The following SRPK2 variants were observed in gnomAD, a reference collection of about 807,000 sequenced individuals.
SRPK2 encodes SFRS protein kinase 2.
SRPK2 carries 21 observed loss-of-function variants against 90.8 expected under a neutral mutation model. The ratio of observed to expected loss-of-function variants is 0.23; its 90% CI spans 0.16 to 0.33. The LOEUF (loss-of-function observed/expected upper bound fraction) is 0.33. Among genes scored for constraint, SRPK2 ranks in the 10% least tolerant of loss-of-function variants. The pLI is 1.00. For synonymous variants in SRPK2, 288 were observed against 311.1 expected (o/e 0.93, Z 0.78); for missense variants, 620 against 869.0 (o/e 0.71, Z 3.60).
At chr7:105,193,779 C>T (rs1314691614) in intron 3 of SRPK2, among the ~76,000 whole-genome samples, 2 of 152,028 alleles carry the variant, frequency 1.3e-5, no homozygotes, top group African/African-American at 4.8e-5. Flanking sequence ...ACAAAGAAAA[C>T]CAATACAAAG....
At chr7:105,145,332 T>A (rs7780887) in intron 8 of SRPK2, 24 bp from the exon 9 acceptor site, 9 of 1,566,116 alleles carry the variant, frequency 5.7e-6, no homozygotes, top group Admixed American at 3.7e-5. Flanking sequence ...AAACAAAATC[T>A]GTATTTAGCA....
At chr7:105,387,348 T>C (rs1821725348) in intron 2 of SRPK2, among the ~76,000 whole-genome samples, 3 of 152,198 alleles carry the variant, frequency 2.0e-5, no homozygotes. Flanking sequence ...AATTTAAGGT[T>C]GTAATTCACT....
chr7:105,124,472 C>T (rs912548235), intron 15 of SRPK2, among the ~76,000 whole-genome samples: 3 of 151,862 alleles, frequency 2.0e-5, no homozygotes, highest in Admixed American at 6.6e-5. Context: ...GAAAACCTCT[C>T]TCTACTAAAA....
chr7:105,270,429 G>C (rs1406398628), intron 2 of SRPK2, among the ~76,000 whole-genome samples: 1 of 143,090 alleles, frequency 7.0e-6, no homozygotes, highest in Non-Finnish European at 1.5e-5. Context: ...TTTTTTTTGA[G>C]ATGGAATTTC....
chr7:105,296,951 A>G (rs1809902038), intron 2 of SRPK2, among the ~76,000 whole-genome samples: 1 of 152,222 alleles, frequency 6.6e-6, no homozygotes, highest in African/African-American at 2.4e-5. Context: ...CTCCAGCTCC[A>G]GAGGCAACTA....
intron 2 of SRPK2, among the ~76,000 whole-genome samples, chr7:105,305,503 T>C (rs1490176668): frequency 6.6e-6 from 1 of 152,212 alleles, no homozygotes; most frequent in African/African-American, 2.4e-5. Context: ...AAGGAAATTG[T>C]AGAGAAATAA....
chr7:105,365,119 C>A (rs12530690), intron 2 of SRPK2, among the ~76,000 whole-genome samples: 66,030 of 151,916 alleles, frequency 0.43, 15,905 homozygotes, highest in Non-Finnish European at 0.54. Context: ...CTTTTCCTTA[C>A]AAATTGGATT....
chr7:105,126,380 G>T, intron 14 of SRPK2, 40 bp from the exon 15 acceptor site: 1 of 1,422,474 alleles, frequency 7.0e-7, no homozygotes, highest in Non-Finnish European at 9.9e-7. Context: ...AATGGGAGGG[G>T]CAAAGGGAAG....
chr7:105,293,462 T>C (rs1268818339), intron 2 of SRPK2, among the ~76,000 whole-genome samples: 1 of 151,464 alleles, frequency 6.6e-6, no homozygotes, highest in African/African-American at 2.4e-5. Flanking sequence ...TGTGGGGGGG[T>C]GGGAGACAGA....
At chr7:105,309,839 C>T (rs1811515797) in intron 2 of SRPK2, among the ~76,000 whole-genome samples, 1 of 152,186 alleles carries the variant, frequency 6.6e-6, no homozygotes, top group African/African-American at 2.4e-5. Flanking sequence ...ATACTGGTGC[C>T]AACCCTGGGC....
chr7:105,177,279 ACTTTT>A (rs971511440), intron 3 of SRPK2, among the ~76,000 whole-genome samples: 1 of 152,176 alleles, frequency 6.6e-6, no homozygotes, highest in Non-Finnish European at 1.5e-5. Context: ...ACTAACCACC[ACTTTT>A]CTTCACTGAA....
chr7:105,224,079 T>C (rs1030519683), intron 2 of SRPK2, among the ~76,000 whole-genome samples: 2 of 152,248 alleles, frequency 1.3e-5, no homozygotes, highest in African/African-American at 4.8e-5. Context: ...AGCAATTATT[T>C]ATTTTAGATT....
At chr7:105,367,996 AACTT>A (rs1332221646) in intron 2 of SRPK2, among the ~76,000 whole-genome samples, 3 of 152,178 alleles carry the variant, frequency 2.0e-5, no homozygotes, top group African/African-American at 7.2e-5. Context: ...TGGGATTTAA[AACTT>A]AAGGAGAGTA....
intron 11 of SRPK2, among the ~76,000 whole-genome samples, chr7:105,135,568 G>C (rs1802683912): frequency 6.6e-6 from 1 of 152,212 alleles, no homozygotes; most frequent in Admixed American, 6.5e-5. Context: ...ACAGAACGAT[G>C]TGATTTCTTT....
chr7:105,151,635 CTTCTGGCCTCAAGT>C (rs1805667556), intron 7 of SRPK2, among the ~76,000 whole-genome samples: 1 of 152,098 alleles, frequency 6.6e-6, no homozygotes, highest in Non-Finnish European at 1.5e-5. Context: ...AAGCCTCAAG[CTTCTGGCCTCAAGT>C]GATCCTCTTG....
At chr7:105,359,031 A>G (rs1222269388) in intron 2 of SRPK2, among the ~76,000 whole-genome samples, 1 of 152,052 alleles carries the variant, frequency 6.6e-6, no homozygotes, top group Non-Finnish European at 1.5e-5. Flanking sequence ...TGACACCTCA[A>G]GCCATTCAAG....
At chr7:105,263,641 T>A (rs976170579) in intron 2 of SRPK2, among the ~76,000 whole-genome samples, 11 of 152,026 alleles carry the variant, frequency 7.2e-5, no homozygotes, top group African/African-American at 2.2e-4. Context: ...CCCAAATGAA[T>A]CACAGACTTA....
intron 2 of SRPK2, among the ~76,000 whole-genome samples, chr7:105,334,387 C>G (rs1330957331): frequency 6.6e-6 from 1 of 152,044 alleles, no homozygotes; most frequent in Admixed American, 6.6e-5. Flanking sequence ...CAATGCCTGG[C>G]TAATTTTTGT....
chr7:105,178,225 T>C (rs1019638182), intron 3 of SRPK2, among the ~76,000 whole-genome samples: 3 of 151,882 alleles, frequency 2.0e-5, no homozygotes, highest in Non-Finnish European at 4.4e-5. Flanking sequence ...ATAATAATAA[T>C]ACTAAATATA....
Sources: gnomAD v4.1 joint callset for allele counts (sites outside exome capture counted in the v4.1 genomes callset) on GRCh38, gnomAD v4.1.1 for gene constraint, MANE v1.5 for transcripts, NCBI Gene and HGNC (gene_info 2026-07-23, HGNC 2026-07-21) for gene names.